The following MDGA2 variants were observed in gnomAD, a reference collection of about 807,000 sequenced individuals.
The protein encoded by MDGA2 is MAM domain-containing glycosylphosphatidylinositol anchor protein 2.
In MDGA2, 40 loss-of-function variants were observed where a neutral mutation model predicts 117.8. That is an observed-to-expected ratio of 0.34 (90% CI 0.26 to 0.44). The LOEUF is 0.44. Ranked by LOEUF, MDGA2 falls within the 20% of genes least tolerant of loss-of-function variation. MDGA2 has a pLI of 1.00. For synonymous variants in MDGA2, 452 were observed against 439.0 expected, an observed-to-expected ratio of 1.03 and a Z score of -0.37; for missense variants, 1,123 against 1,250.6, an observed-to-expected ratio of 0.90 and a Z score of 1.54.
chr14:46,843,770 C>T (rs12890887), intron 16 of MDGA2, among the ~76,000 whole-genome samples: 31,720 of 151,960 alleles, frequency 0.21, 3,741 homozygotes, highest in South Asian at 0.39. Context: ...CAGTTTCTCA[C>T]TAAATATAGA....
chr14:47,303,468 C>A (rs923543106), intron 1 of MDGA2, among the ~76,000 whole-genome samples: 1 of 152,056 alleles, frequency 6.6e-6, no homozygotes, highest in African/African-American at 2.4e-5. Context: ...AAATCCTTAT[C>A]TTTGGTGTTT....
intron 8 of MDGA2, among the ~76,000 whole-genome samples, chr14:46,997,439 C>T (rs1053368135): frequency 1.3e-5 from 2 of 152,100 alleles, no homozygotes; most frequent in African/African-American, 4.8e-5. Context: ...CTTGTTATAA[C>T]ATCAGGTTAG....
intron 3 of MDGA2, among the ~76,000 whole-genome samples, chr14:47,165,751 G>C (rs1157848745): frequency 6.6e-6 from 1 of 152,096 alleles, no homozygotes; most frequent in Non-Finnish European, 1.5e-5. Context: ...AAGAAACTCA[G>C]TTAAAAATAA....
chr14:47,361,159 T>C (rs1891112026), intron 1 of MDGA2, among the ~76,000 whole-genome samples: 1 of 151,976 alleles, frequency 6.6e-6, no homozygotes, highest in Non-Finnish European at 1.5e-5. Flanking sequence ...TTTCACTATG[T>C]ATATGTATTT....
At chr14:47,598,447 G>A (rs1194898031) in intron 1 of MDGA2, among the ~76,000 whole-genome samples, 1 of 152,054 alleles carries the variant, frequency 6.6e-6, no homozygotes, top group African/African-American at 2.4e-5. Context: ...CAGATAAATG[G>A]ATAAATAGAA....
At chr14:46,888,367 A>T (rs886260456) in intron 10 of MDGA2, among the ~76,000 whole-genome samples, 2 of 151,918 alleles carry the variant, frequency 1.3e-5, no homozygotes, top group Admixed American at 6.6e-5. Flanking sequence ...CATACTTATA[A>T]GCATGATGAT....
chr14:47,045,690 C>G (rs1365579388), intron 7 of MDGA2, among the ~76,000 whole-genome samples: 1 of 151,952 alleles, frequency 6.6e-6, no homozygotes, highest in African/African-American at 2.4e-5. Context: ...GGGGGGCAGG[C>G]GCAGTGATTC....
chr14:47,174,147 G>C (rs980929823), intron 3 of MDGA2, among the ~76,000 whole-genome samples: 1 of 152,220 alleles, frequency 6.6e-6, no homozygotes, highest in African/African-American at 2.4e-5. Flanking sequence ...GATTCATAAA[G>C]CAAGTCCTGA....
At chr14:47,232,536 C>T (rs908663214) in intron 2 of MDGA2, among the ~76,000 whole-genome samples, 1 of 152,056 alleles carries the variant, frequency 6.6e-6, no homozygotes, top group Non-Finnish European at 1.5e-5. Context: ...GACTGATAAA[C>T]CTTTTCTCCC....
chr14:47,445,910 C>T lies in MDGA2; in HGVS notation c.281-144360G>A, dbSNP rs947053856. On this transcript the variant is annotated intron_variant, in intron 1 of 16. Transcript: ENST00000399232. ...TCTTGATACCACAATAGTAGAGGTA[C>T]GATGGCTGAAAAATAGAAACAATGG... 2.5e-4 allele frequency among the ~76,000 whole-genome samples: 38 copies of T among 152,010 alleles called. 1 individual carries two copies. Among genetic ancestry groups the T allele is most frequent in the African/African-American group, 7.7e-4 (32 of 41,416 alleles).
At chr14:47,533,442 C>T (rs1305047263) in intron 1 of MDGA2, among the ~76,000 whole-genome samples, 1 of 152,078 alleles carries the variant, frequency 6.6e-6, no homozygotes, top group Admixed American at 6.5e-5. Context: ...AAGTAAAATT[C>T]CAATCTGAAA....
chr14:46,938,184 A>T (rs554448542), intron 9 of MDGA2, among the ~76,000 whole-genome samples: 2 of 152,256 alleles, frequency 1.3e-5, no homozygotes, highest in Admixed American at 6.5e-5. Flanking sequence ...ATGGCCAAAA[A>T]ATATTTGAAA....
chr14:46,843,142 G>A (rs74047322), intron 16 of MDGA2, among the ~76,000 whole-genome samples: 7,250 of 147,388 alleles, frequency 0.049, 576 homozygotes, highest in African/African-American at 0.17. Flanking sequence ...TAGTTTAAGA[G>A]AAAAAAAAAA....
In MDGA2 at chr14:47,675,436, C is replaced by T. The variant is rs1230850814; in HGVS notation, c.-640G>A. On this transcript the variant is annotated 5_prime_UTR_variant, in exon 1 of 17. Transcript: ENST00000399232. ...GAGGAGGAAAGGGTCCAACAGGGAG[C>T]GGAGTGTGCGTCTGGAGCTCGCTTG... Among the ~76,000 whole-genome samples the T allele has an allele frequency of 6.6e-6, 1 of 151,934 alleles. No individual in the cohort carries two copies. Among genetic ancestry groups the T allele is most frequent in the Admixed American group, 6.5e-5 (1 of 15,276 alleles).
chr14:47,017,292 C>A (rs1594530961), intron 8 of MDGA2, among the ~76,000 whole-genome samples: 1 of 147,744 alleles, frequency 6.8e-6, no homozygotes, highest in South Asian at 2.1e-4. Flanking sequence ...TCATCAAGGC[C>A]CACATTGAAA....
rs142851968 is a variant in MDGA2 at position 47,450,164 on chromosome 14, A to C, written c.281-148614T>G. Among the ~76,000 whole-genome samples, 701 of 152,048 alleles carry C rather than the reference A, an allele frequency of 4.6e-3. 7 individuals are homozygous for C. Among genetic ancestry groups the C allele is most frequent in the African/African-American group, 0.016 (658 of 41,502 alleles). The stretch of plus-strand genomic sequence containing the variant: ...TTTTTTTTAGTACAGATAGCTTTTT[A>C]TATGGTAAATGGATTTGAGGTTTAC... On this transcript the variant is annotated intron_variant, in intron 1 of 16. Coordinates refer to ENST00000399232, the MANE Select transcript of MDGA2 (RefSeq NM_001113498.3).
intron 1 of MDGA2, among the ~76,000 whole-genome samples, chr14:47,647,314 C>T (rs1897552908): frequency 6.6e-6 from 1 of 152,030 alleles, no homozygotes; most frequent in Non-Finnish European, 1.5e-5. Context: ...ACACACATGG[C>T]CTATTTCAAA....
At chr14:47,164,507 A>G (rs1038467124) in intron 3 of MDGA2, among the ~76,000 whole-genome samples, 2 of 152,234 alleles carry the variant, frequency 1.3e-5, no homozygotes, top group African/African-American at 2.4e-5. Flanking sequence ...AAAAATGCTC[A>G]TCATCACTGG....
rs1894460049 is a variant in MDGA2, at chr14:47,504,087, T to G, written c.280+170430A>C. On this transcript the variant is annotated intron_variant, in intron 1 of 16. Coordinates refer to ENST00000399232, the MANE Select transcript of MDGA2 (RefSeq NM_001113498.3). ...GTGACACAATACTTATTGATTACAT[T>G]GTAATAAAACGAATATATCTGGGGT... Among the ~76,000 whole-genome samples the G allele has an allele frequency of 2.6e-5, 4 of 152,168 alleles. No homozygotes were observed. The South Asian group carries it at 8.3e-4, about 32-fold the overall frequency.
Sources: allele counts gnomAD v4.1 joint callset (sites outside exome capture counted in the v4.1 genomes callset), GRCh38; gene constraint gnomAD v4.1.1; transcripts MANE v1.5; gene names NCBI Gene and HGNC (gene_info 2026-07-23, HGNC 2026-07-21).